TTC14: variants seen among roughly 807,000 people sequenced by gnomAD.
TTC14 encodes tetratricopeptide repeat protein 14.
Under a neutral mutation model 79.9 loss-of-function variants are expected in TTC14, and 63 were observed. The observed-to-expected ratio is 0.79, with a 90% confidence interval of 0.64 to 0.97. TTC14 has a LOEUF of 0.97. Among genes scored for constraint, TTC14 ranks in the 50% least tolerant of loss-of-function variants. The probability of loss-of-function intolerance (pLI) is 0.00; values close to 1 mark genes in which losing one functional copy is unlikely to be tolerated. For missense variants in TTC14, 895 were observed against 894.0 expected (o/e 1.00, Z -0.01); for synonymous variants, 335 against 309.6 (o/e 1.08, Z -0.86).
At chr3:180,602,461 GA>G in intron 1 of TTC14, 39 bp downstream of exon 1, 1 of 1,556,522 alleles carries the variant, frequency 6.4e-7, no homozygotes, top group Non-Finnish European at 8.6e-7. Flanking sequence ...CGGAAGAGGG[GA>G]CGCAGCTCTG....
In TTC14 at chr3:180,609,752, AC is replaced by A; in HGVS notation, c.1525del (p.Arg509ValfsTer20). ...AAAAGGCATAAGAAACATAAGAGGA[AC>A]CGTTCAGAGTCTTCTCGCAGTTCCA... is the stretch of plus-strand genomic sequence containing the variant. ...GHKRHKKHKR[N>X]RSESSRSSRR... On this transcript the variant is annotated frameshift_variant, in exon 12 of 12. Transcript: ENST00000296015. LOFTEE classifies it high-confidence loss of function. The A allele has an allele frequency of 6.2e-7, 1 of 1,613,978 alleles. No homozygotes were observed. The highest frequency in any genetic ancestry group is 8.5e-7 in the Non-Finnish European group (1 of 1,179,934).
At chr3:180,613,341 T>G (rs1310552267), downstream of TTC14, among the ~76,000 whole-genome samples, 3 of 152,180 alleles carry the variant, frequency 2.0e-5, no homozygotes, top group Middle Eastern at 3.2e-3. Flanking sequence ...TGGAGATAGG[T>G]TGATCCCCTG....
At chr3:180,617,636 A>G (rs1190384825) in exon 13 of TTC14, 1 of 407,308 alleles carries the variant, frequency 2.5e-6, no homozygotes, top group Admixed American at 4.3e-5. Flanking sequence ...AAAACTAAAA[A>G]TAGAAAAATG....
chr3:180,617,010 G>T, intron 12 of TTC14: 2 of 1,052,924 alleles, frequency 1.9e-6, no homozygotes, highest in Non-Finnish European at 1.3e-6. Context: ...ATCAGAAATT[G>T]ACTTTTATAA....
chr3:180,602,337 C>T lies in TTC14; in HGVS notation c.76C>T (p.Gln26Ter). 1 of 1,613,554 alleles carries T rather than the reference C, an allele frequency of 6.2e-7. No homozygotes were observed. The highest frequency in any genetic ancestry group is 8.5e-7 in the Non-Finnish European group (1 of 1,179,968). ...GCTCTCTCTACTTCGGAGCGAACAG[C>T]AGGACAATCCACACTTCCGTAGCCT... ...SLLSLLRSEQ[Q>*]DNPHFRSLLG... is the part of the protein sequence containing the mutation. The change falls in exon 1 of 12, where the codon CAG (glutamine) becomes TAG (stop). Residue 26 changes from glutamine (Q) to a stop codon, truncating the protein, a stop_gained. Coordinates refer to ENST00000296015, the MANE Select transcript of TTC14 (RefSeq NM_133462.4). LOFTEE classifies it high-confidence loss of function.
chr3:180,603,943 T>C, intron 3 of TTC14: 1 of 372,534 alleles, frequency 2.7e-6, no homozygotes, highest in Non-Finnish European at 4.9e-6. Flanking sequence ...TTTAGACAAA[T>C]TTTAGTTTGT....
intron 10 of TTC14, chr3:180,608,058 A>G: frequency 9.2e-7 from 1 of 1,082,836 alleles, no homozygotes; most frequent in Non-Finnish European, 1.1e-6. Flanking sequence ...TGTTGCTACT[A>G]TAATTGAGCT....
At chr3:180,612,777 G>A (rs1249478427), downstream of TTC14, among the ~76,000 whole-genome samples, 1 of 152,162 alleles carries the variant, frequency 6.6e-6, no homozygotes, top group Non-Finnish European at 1.5e-5. Flanking sequence ...AAGCTACGAA[G>A]TTCTTGCACA....
rs1442376045 is a variant in TTC14, at chr3:180,604,483, A to G, written c.577A>G (p.Ile193Val). 6.3e-7 allele frequency: 1 copy of G among 1,585,270 alleles called. No homozygotes were observed. ...CTCTTTTTTTTTTTCTTAAGCTGGAATCAAGGATATTGACAGATACCATGA... is the reference window on the plus strand; with the variant it reads ...CTCTTTTTTTTTTTCTTAAGCTGGAGTCAAGGATATTGACAGATACCATGA... ...YQTGDIIRAGIKDIDRYHEKL... is the reference protein window; with the variant it reads ...YQTGDIIRAGVKDIDRYHEKL... Residue 193 changes from isoleucine (I) to valine (V), a missense_variant, in exon 5 of 12, where the codon ATC (isoleucine) becomes GTC (valine). Ile to Val is a conservative substitution (Grantham distance 29, BLOSUM62 3). Coordinates refer to ENST00000296015, the MANE Select transcript of TTC14 (RefSeq NM_133462.4).
In TTC14 at chr3:180,608,710, G is replaced by T. The variant is rs1410731701; in HGVS notation, c.1300G>T (p.Glu434Ter). Residue 434 changes from glutamate (E) to a stop codon, truncating the protein, a stop_gained, in exon 11 of 12, where the codon GAA becomes TAA. Coordinates refer to ENST00000296015, the MANE Select transcript of TTC14 (RefSeq NM_133462.4). LOFTEE classifies it high-confidence loss of function. The stretch of plus-strand genomic sequence containing the variant: ...ATCTGGGTTCTAAAAGAAATCTTTG[G>T]AATTAAGAGAAAAACAAGCTGAAAA... ...KLHKYMQKSL[E>*]LREKQAEKEE... 6.5e-7 allele frequency: 1 copy of T among 1,529,544 alleles called. No individual in the cohort carries two copies. The highest frequency in any genetic ancestry group is 8.7e-7 in the Non-Finnish European group (1 of 1,143,162). The allele number at this position is 1,529,544 out of a possible 1,614,324, so 94.7% of individuals were successfully genotyped here.
chr3:180,610,203 T>G lies in TTC14; in HGVS notation c.1974T>G (p.Tyr658Ter). ...ATATAGAGGGAAGAAAAGAGCACTA[T>G]AGAAGGTGGGAACCAGGTTCTGTGA... is the stretch of plus-strand genomic sequence containing the variant. Reference protein sequence around the residue: ...EKDIEGRKEHYRRWEPGSVRH... With the variant: ...EKDIEGRKEH The change falls in exon 12 of 12, where the codon TAT (tyrosine) becomes TAG (stop). Residue 658 changes from tyrosine to a stop codon, truncating the protein, a stop_gained. Transcript: ENST00000296015. LOFTEE classifies it high-confidence loss of function. 1 of 1,613,968 alleles carries G rather than the reference T, an allele frequency of 6.2e-7. No individual in the cohort carries two copies. The highest frequency in any genetic ancestry group is 8.5e-7 in the Non-Finnish European group (1 of 1,179,926).
chr3:180,617,425 C>T, exon 13 of TTC14: 1 of 673,678 alleles, frequency 1.5e-6, no homozygotes, highest in East Asian at 2.7e-5. Context: ...CAGCCTCAGG[C>T]AGGTCCTTCA....
downstream of TTC14, among the ~76,000 whole-genome samples, chr3:180,611,568 A>AAAT (rs773988114): frequency 2.2e-4 from 34 of 152,242 alleles, no homozygotes; most frequent in Non-Finnish European, 4.4e-4. Flanking sequence ...TAAGAATAAT[A>AAAT]AATTCCAGCA....
At chr3:180,614,608 G>A (rs776950305), downstream of TTC14, 6 of 240,886 alleles carry the variant, frequency 2.5e-5, no homozygotes, top group Non-Finnish European at 4.8e-5. Context: ...TACATTAGAA[G>A]TGAGTGTAGT....
intron 3 of TTC14, chr3:180,603,678 T>C: frequency 3.9e-6 from 1 of 253,994 alleles, no homozygotes; most frequent in South Asian, 4.6e-5. Flanking sequence ...TATATTTTCA[T>C]GTGGATAATT....
intron 5 of TTC14, 21 bp downstream of exon 5, chr3:180,604,628 C>G (rs371669924): frequency 6.3e-7 from 1 of 1,588,546 alleles, no homozygotes; most frequent in African/African-American, 1.4e-5. Context: ...CGTATTATTT[C>G]AACAACAGTT....
chr3:180,605,821 T>G lies in TTC14; in HGVS notation c.913T>G (p.Ser305Ala). The G allele has an allele frequency of 6.3e-7, 1 of 1,575,134 alleles. No homozygotes were observed. Among genetic ancestry groups the G allele is most frequent in the Non-Finnish European group, 8.6e-7 (1 of 1,169,464 alleles). The change falls in exon 7 of 12, where the codon TCT (serine) becomes GCT (alanine). Residue 305 changes from serine to alanine, a missense_variant. Physicochemically the swap from Ser to Ala is moderately conservative, Grantham distance 99 (BLOSUM62 1). Coordinates refer to ENST00000296015, the MANE Select transcript of TTC14 (RefSeq NM_133462.4). ...TGCATTGAGAAAAAAACAATCCGCATCTTGGGCTTTAAAATGGTATGAAGA... is the reference window on the plus strand; with the variant it reads ...TGCATTGAGAAAAAAACAATCCGCAGCTTGGGCTTTAAAATGGTATGAAGA... ...ASALRKKQSA[S>A]WALKCVKIGV...
At position 180,602,236 on chromosome 3, in the gene TTC14, G is replaced by C; in HGVS notation, c.-26G>C. 3 of 1,611,890 alleles carry C rather than the reference G, an allele frequency of 1.9e-6. No individual in the cohort carries two copies. Among genetic ancestry groups the C allele is most frequent in the East Asian group, 2.2e-5 (1 of 44,868 alleles). Reference sequence around the variant, plus strand: ...GGAACAGGGAACTATCAGCCCGTCGGCCTCCGGGCCCTGCATTCTCTAGCC... The same window carrying C: ...GGAACAGGGAACTATCAGCCCGTCGCCCTCCGGGCCCTGCATTCTCTAGCC... On this transcript the variant is annotated 5_prime_UTR_variant, in exon 1 of 12. Transcript: ENST00000296015.
Position 180,608,091 on chromosome 3 carries a change from C to T in TTC14, c.1290+326C>T, listed in dbSNP as rs1452497826. On this transcript the variant is annotated intron_variant, in intron 10 of 11. Coordinates refer to ENST00000296015, the MANE Select transcript of TTC14 (RefSeq NM_133462.4). ...GCTAATTATAAAAACCTTTTTGAGACATATTTTAAATTGTCTTTTCCTGTA... is the reference window on the plus strand; with the variant it reads ...GCTAATTATAAAAACCTTTTTGAGATATATTTTAAATTGTCTTTTCCTGTA... 4 of 1,036,448 alleles carry T rather than the reference C, an allele frequency of 3.9e-6. No individual in the cohort carries two copies. In the African/African-American group the frequency reaches 6.9e-5, roughly 18 times the overall value. 64.2% of individuals were successfully genotyped at this position (1,036,448 alleles called of 1,614,324 possible).
Sources: gnomAD v4.1 joint callset for allele counts (sites outside exome capture counted in the v4.1 genomes callset) on GRCh38, gnomAD v4.1.1 for gene constraint, MANE v1.5 for transcripts, NCBI Gene and HGNC (gene_info 2026-07-23, HGNC 2026-07-21) for gene names.